The following IL2RB variants were observed in gnomAD, a reference collection of about 807,000 sequenced individuals.
IL2RB encodes interleukin 2 receptor subunit beta.
In IL2RB, 17 loss-of-function variants were observed where a neutral mutation model predicts 44.2. The ratio of observed to expected loss-of-function variants is 0.38; its 90% CI spans 0.26 to 0.58. The LOEUF (loss-of-function observed/expected upper bound fraction) is 0.58. Among genes scored for constraint, IL2RB ranks in the 20% least tolerant of loss-of-function variants. The pLI is 0.63. For synonymous variants in IL2RB, 286 were observed against 297.9 expected, an observed-to-expected ratio of 0.96 and a Z score of 0.41; for missense variants, 624 against 685.5, an observed-to-expected ratio of 0.91 and a Z score of 1.00.
chr22:37,156,052 G>A (rs774696373), intron 1 of IL2RB, among the ~76,000 whole-genome samples: 4 of 152,132 alleles, frequency 2.6e-5, no homozygotes, highest in African/African-American at 7.2e-5. Context: ...TCTGCCAAAC[G>A]CCCTACCCGT....
chr22:37,164,333 G>A (rs896329099), intron 1 of IL2RB, among the ~76,000 whole-genome samples: 7 of 151,446 alleles, frequency 4.6e-5, no homozygotes, highest in African/African-American at 1.2e-4. Context: ...GAGTGAGGAG[G>A]GGGCACGGGG....
At position 37,141,067 on chromosome 22, in the gene IL2RB, G is replaced by A. The variant is rs951844758; in HGVS notation, c.282+1367C>T. 1.5e-4 allele frequency among the ~76,000 whole-genome samples: 23 copies of A among 152,276 alleles called. No homozygotes were observed. The highest frequency in any genetic ancestry group is 5.3e-4 in the African/African-American group (22 of 41,550). On this transcript the variant is annotated intron_variant, in intron 4 of 9. Transcript: ENST00000216223. The surrounding 1 kb of genome is among the most constrained non-coding windows in gnomAD (Gnocchi z 4.4). ...GCTCCACGGAGCAGGTAGGAGCCCT[G>A]CCCTCCCAGGCAGGGCTGCAGCTGC... is the stretch of plus-strand genomic sequence containing the variant.
At chr22:37,164,597 C>T (rs555698752) in intron 1 of IL2RB, among the ~76,000 whole-genome samples, 1 of 152,062 alleles carries the variant, frequency 6.6e-6, no homozygotes, top group Non-Finnish European at 1.5e-5. Context: ...GCCACCTCTC[C>T]CCACTGGGCC....
chr22:37,149,944 C>G, upstream of IL2RB: 3 of 982,514 alleles, frequency 3.1e-6, no homozygotes, highest in Non-Finnish European at 3.6e-6. Flanking sequence ...AGACTAAAAG[C>G]CCAGAGCCAG....
chr22:37,164,764 C>T (rs1386153233), intron 1 of IL2RB, among the ~76,000 whole-genome samples: 1 of 152,146 alleles, frequency 6.6e-6, no homozygotes, highest in Non-Finnish European at 1.5e-5. Context: ...ACCAGGAATG[C>T]AGAGGGCAGA....
chr22:37,128,986 C>G lies in IL2RB; in HGVS notation c.904-138G>C. Reference sequence around the variant, plus strand: ...GGGCTGCCCCATCCAGGAAGCTCTCCCTGATTATAGCCCCGCACTCCCCCA... The same window carrying G: ...GGGCTGCCCCATCCAGGAAGCTCTCGCTGATTATAGCCCCGCACTCCCCCA... On this transcript the variant is annotated intron_variant, in intron 9 of 9. Transcript: ENST00000216223. This position sits in a 1 kb window ranked among gnomAD's most constrained non-coding sequence, Gnocchi z 4.5. 1 of 1,069,864 alleles carries G rather than the reference C, an allele frequency of 9.3e-7. No individual in the cohort carries two copies. The highest frequency in any genetic ancestry group is 1.3e-6 in the Non-Finnish European group (1 of 765,940). The allele number at this position is 1,069,864 out of a possible 1,614,324, so 66.3% of individuals were successfully genotyped here. A position where few individuals can be genotyped will look rare whatever the true frequency, so the allele number is the denominator to read the frequency against.
chr22:37,136,439 C>T lies in IL2RB; in HGVS notation c.538-46G>A, dbSNP rs1297736574. The T allele has an allele frequency of 3.2e-6, 5 of 1,562,250 alleles. No homozygotes were observed. In the South Asian group the frequency reaches 5.8e-5, roughly 18 times the overall value. ...TCAGCGCCCACCTCACCTCCCATGGCAGGGCCAGGAGGCTGAGCATCACAG... is the reference window on the plus strand; with the variant it reads ...TCAGCGCCCACCTCACCTCCCATGGTAGGGCCAGGAGGCTGAGCATCACAG... On this transcript the variant is annotated intron_variant, in intron 6 of 9. Transcript: ENST00000216223.
At chr22:37,147,283 G>A (rs1180302759) in intron 1 of IL2RB, among the ~76,000 whole-genome samples, 1 of 152,218 alleles carries the variant, frequency 6.6e-6, no homozygotes, top group African/African-American at 2.4e-5. Flanking sequence ...GAAGTGCGTT[G>A]CCTAAGGTCA....
Position 37,127,997 on chromosome 22 carries a change from A to G in IL2RB, c.*99T>C. The stretch of plus-strand genomic sequence containing the variant: ...TGGAGAAGTCCAGCTGCAACTGGAC[A>G]CTGAGTGTCCTCAGCAGTGGACTGA... On this transcript the variant is annotated 3_prime_UTR_variant, in exon 10 of 10. Coordinates refer to ENST00000216223, the MANE Select transcript of IL2RB (RefSeq NM_000878.5). 1.0e-6 allele frequency: 1 copy of G among 999,210 alleles called. No homozygotes were observed. Among genetic ancestry groups the G allele is most frequent in the Non-Finnish European group, 1.4e-6 (1 of 735,548 alleles). The allele number at this position is 999,210 out of a possible 1,614,324, so 61.9% of individuals were successfully genotyped here.
rs905072565 is a variant in IL2RB, at chr22:37,127,886, G to C, written c.*210C>G. The C allele has an allele frequency of 7.3e-6, 3 of 410,298 alleles. No individual in the cohort carries two copies. The East Asian group carries it at 1.1e-4, about 15-fold the overall frequency. The allele number at this position is 410,298 out of a possible 1,614,324, so 25.4% of individuals were successfully genotyped here. A position where few individuals can be genotyped will look rare whatever the true frequency, so the allele number is the denominator to read the frequency against. ...CCCCCCTGCAACACACACAGTTCCT[G>C]GCTCGGGCAGCAGGACCCGGGAGCA... On this transcript the variant is annotated 3_prime_UTR_variant, in exon 10 of 10. Transcript: ENST00000216223.
At chr22:37,148,305 T>C (rs228978) in intron 1 of IL2RB, among the ~76,000 whole-genome samples, 42,594 of 152,080 alleles carry the variant, frequency 0.28, 6,231 homozygotes, top group African/African-American at 0.36. Flanking sequence ...CATTCTGCAA[T>C]GGGGAAGCTG....
intron 1 of IL2RB, among the ~76,000 whole-genome samples, chr22:37,158,277 C>T (rs1277885831): frequency 6.6e-6 from 1 of 151,822 alleles, no homozygotes; most frequent in Non-Finnish European, 1.5e-5. Context: ...GGGCTGGGCG[C>T]GGTGGCTTAT....
At chr22:37,131,618 A>T (rs1210218033) in intron 9 of IL2RB, among the ~76,000 whole-genome samples, 1 of 152,208 alleles carries the variant, frequency 6.6e-6, no homozygotes, top group Non-Finnish European at 1.5e-5. Flanking sequence ...CCTGCTCAGG[A>T]ATTTTGAGCA....
chr22:37,142,322 C>A (rs895724299), intron 4 of IL2RB, 112 bp downstream of exon 4: 4 of 982,424 alleles, frequency 4.1e-6, no homozygotes, highest in South Asian at 2.8e-5. Flanking sequence ...TAGCCACAGC[C>A]CCAGCCATTG....
At chr22:37,132,569 C>T (rs565763379) in intron 8 of IL2RB, 101 bp from the exon 9 acceptor site, 4 of 760,174 alleles carry the variant, frequency 5.3e-6, no homozygotes, top group Non-Finnish European at 9.0e-6. Context: ...CGGAGCCGCA[C>T]CACATTTACT....
rs185128738 is a variant in IL2RB at position 37,162,656 on chromosome 22, A to G, written c.-34+12302T>C. ...TGAAGCCTCTACCACACGGAGTCAC[A>G]AACCCATTCTGGTTAGTCTGAATCA... On this transcript the variant is annotated intron_variant, in intron 1 of 5. Transcript: ENST00000429622. Among the ~76,000 whole-genome samples, 9 of 152,260 alleles carry G rather than the reference A, an allele frequency of 5.9e-5. No individual in the cohort carries two copies. In the East Asian group the frequency reaches 1.5e-3, roughly 26 times the overall value.
chr22:37,142,706 G>T (rs1224167508), intron 3 of IL2RB, 194 bp from the exon 4 acceptor site: 4 of 713,890 alleles, frequency 5.6e-6, no homozygotes, highest in Non-Finnish European at 7.8e-6. Context: ...TGGGCACCTT[G>T]TCCTGCTCCC....
intron 1 of IL2RB, among the ~76,000 whole-genome samples, chr22:37,163,071 G>C (rs961099929): frequency 6.6e-6 from 1 of 152,182 alleles, no homozygotes; most frequent in Non-Finnish European, 1.5e-5. Context: ...CACTAGGGTC[G>C]CTCCCTGCAG....
At chr22:37,157,632 C>T (rs1457668613) in intron 1 of IL2RB, among the ~76,000 whole-genome samples, 5 of 152,198 alleles carry the variant, frequency 3.3e-5, no homozygotes, top group African/African-American at 1.2e-4. Flanking sequence ...TCCCACCCTA[C>T]TTACTCAGAC....
Sources: gnomAD v4.1 joint callset for allele counts (sites outside exome capture counted in the v4.1 genomes callset) on GRCh38, gnomAD v4.1.1 for gene constraint, Gnocchi (gnomAD v3.1) non-coding constraint, MANE v1.5 for transcripts, NCBI Gene and HGNC (gene_info 2026-07-23, HGNC 2026-07-21) for gene names.